DOCK2: variants seen among roughly 807,000 people sequenced by gnomAD.
DOCK2 encodes the protein dedicator of cytokinesis protein 2.
Under a neutral mutation model 248.9 loss-of-function variants are expected in DOCK2, and 87 were observed. The observed-to-expected ratio is 0.35, with a 90% confidence interval of 0.29 to 0.42. The LOEUF (loss-of-function observed/expected upper bound fraction) is 0.42. DOCK2 is among the 10% of genes least tolerant of loss of function. The probability of loss-of-function intolerance (pLI) is 1.00; values close to 1 mark genes in which losing one functional copy is unlikely to be tolerated. For synonymous variants in DOCK2, 805 were observed against 821.6 expected (o/e 0.98, Z 0.35); for missense variants, 1,747 against 2,300.2 (o/e 0.76, Z 4.92).
intron 32 of DOCK2, among the ~76,000 whole-genome samples, chr5:170,017,105 G>A (rs1322227496): frequency 6.6e-6 from 1 of 151,912 alleles, no homozygotes; most frequent in Non-Finnish European, 1.5e-5. Context: ...TCTGAATCCT[G>A]GGCAACTACT....
intron 1 of DOCK2, among the ~76,000 whole-genome samples, chr5:169,643,938 G>T (rs1056544550): frequency 2.6e-5 from 4 of 152,224 alleles, no homozygotes; most frequent in Admixed American, 6.5e-5. Flanking sequence ...AACCTTGAGG[G>T]TTTGCCTGGA....
intron 30 of DOCK2, among the ~76,000 whole-genome samples, chr5:170,001,218 G>C (rs1420299277): frequency 1.3e-5 from 2 of 152,174 alleles, no homozygotes; most frequent in African/African-American, 4.8e-5. Context: ...AGGAGGGCAG[G>C]CTGACTGCAT....
chr5:169,981,709 C>T (rs1266436176), intron 27 of DOCK2, among the ~76,000 whole-genome samples: 1 of 152,194 alleles, frequency 6.6e-6, no homozygotes, highest in African/African-American at 2.4e-5. Flanking sequence ...GCATCAAGCC[C>T]AGACCCTCCC....
At chr5:170,005,531 C>T (rs952435950) in intron 30 of DOCK2, among the ~76,000 whole-genome samples, 2 of 152,182 alleles carry the variant, frequency 1.3e-5, no homozygotes, top group East Asian at 1.9e-4. Flanking sequence ...TGGTGGATGC[C>T]TCATGCTTGT....
At chr5:169,766,223 A>G (rs1764782320) in intron 25 of DOCK2, among the ~76,000 whole-genome samples, 1 of 151,482 alleles carries the variant, frequency 6.6e-6, no homozygotes, top group Non-Finnish European at 1.5e-5. Context: ...CCCTCCTCCC[A>G]CCCTCTACCC....
chr5:169,678,251 T>C (rs966392800), intron 6 of DOCK2, among the ~76,000 whole-genome samples: 1 of 151,962 alleles, frequency 6.6e-6, no homozygotes, highest in Admixed American at 6.6e-5. Context: ...CAAGGTTACA[T>C]CTTCAGTCTT....
chr5:170,044,362 G>A (rs1204027800), intron 38 of DOCK2, among the ~76,000 whole-genome samples: 1 of 152,178 alleles, frequency 6.6e-6, no homozygotes, highest in East Asian at 1.9e-4. Context: ...TAATGAATGT[G>A]TAAGACTCAG....
At chr5:169,970,333 G>A (rs1777456025) in intron 27 of DOCK2, among the ~76,000 whole-genome samples, 1 of 152,204 alleles carries the variant, frequency 6.6e-6, no homozygotes. Flanking sequence ...GGTCAGAAAA[G>A]TAAAGAAGAA....
rs60574755 is a variant in DOCK2, at chr5:169,801,146, G to GTT, written c.2555-1878_2555-1877dup. ...TGCCACCATGCCCAGATAGTTTTGG[G>GTT]TTTTTTTTTTTTTTTTTTTTTTTTT... On this transcript the variant is annotated intron_variant, in intron 25 of 51. Transcript: ENST00000520908. Among the ~76,000 whole-genome samples, 345 of 76,022 alleles carry GTT rather than the reference G, an allele frequency of 4.5e-3. 26 individuals carry two copies. Among genetic ancestry groups the GTT allele is most frequent in the Non-Finnish European group, 8.1e-3 (291 of 35,892 alleles). The allele number at this position is 76,022 out of a possible 152,430, so 49.9% of individuals were successfully genotyped here.
At chr5:169,788,608 C>T (rs1202160547) in intron 25 of DOCK2, among the ~76,000 whole-genome samples, 3 of 152,224 alleles carry the variant, frequency 2.0e-5, no homozygotes, top group Non-Finnish European at 4.4e-5. Context: ...ACTTGGAGGG[C>T]TGCCCTTATG....
At chr5:169,692,879 C>T (rs943813873) in intron 9 of DOCK2, among the ~76,000 whole-genome samples, 1 of 152,152 alleles carries the variant, frequency 6.6e-6, no homozygotes, top group African/African-American at 2.4e-5. Context: ...CTGATATCTT[C>T]TTATAAGGAC....
chr5:169,945,471 G>A (rs928653410), intron 27 of DOCK2, among the ~76,000 whole-genome samples: 1 of 152,256 alleles, frequency 6.6e-6, no homozygotes, highest in Non-Finnish European at 1.5e-5. Flanking sequence ...GTTACTTCGT[G>A]CCTGGCACAG....
intron 27 of DOCK2, among the ~76,000 whole-genome samples, chr5:169,966,084 G>A (rs539090740): frequency 6.6e-6 from 1 of 152,288 alleles, no homozygotes; most frequent in Non-Finnish European, 1.5e-5. Flanking sequence ...TCTCGAAATG[G>A]CAATGTGCAA....
At chr5:170,036,476 G>C in intron 35 of DOCK2, 39 bp from the exon 36 acceptor site, 1 of 1,602,416 alleles carries the variant, frequency 6.2e-7, no homozygotes, top group Non-Finnish European at 8.5e-7. Context: ...TGATATTGCA[G>C]AGAACAACAC....
At chr5:169,894,485 TTGGC>T (rs1437690222) in intron 27 of DOCK2, among the ~76,000 whole-genome samples, 1 of 152,168 alleles carries the variant, frequency 6.6e-6, no homozygotes, top group Non-Finnish European at 1.5e-5. Context: ...CAGCAAAGCA[TTGGC>T]AGGCAGCTGC....
chr5:170,032,921 T>C (rs941178638), intron 34 of DOCK2, among the ~76,000 whole-genome samples: 1 of 152,052 alleles, frequency 6.6e-6, no homozygotes, highest in African/African-American at 2.4e-5. Flanking sequence ...CTGCATAATG[T>C]CTACTTGAGA....
chr5:170,001,723 T>A (rs1754838968), intron 30 of DOCK2, among the ~76,000 whole-genome samples: 1 of 152,222 alleles, frequency 6.6e-6, no homozygotes. Context: ...TGCGATACTG[T>A]GTGAACAAGA....
chr5:169,992,552 A>G (rs927055091), intron 29 of DOCK2, among the ~76,000 whole-genome samples: 4 of 151,348 alleles, frequency 2.6e-5, no homozygotes, highest in African/African-American at 9.7e-5. Flanking sequence ...GCAACCTCCA[A>G]CTCCCTGGTT....
At chr5:170,065,725 A>G (rs1460849527) in intron 44 of DOCK2, among the ~76,000 whole-genome samples, 1 of 152,148 alleles carries the variant, frequency 6.6e-6, no homozygotes, top group Non-Finnish European at 1.5e-5. Flanking sequence ...CCCATTCACT[A>G]TCACAAGAAC....
Sources: gnomAD v4.1 joint callset for allele counts (sites outside exome capture counted in the v4.1 genomes callset) on GRCh38, gnomAD v4.1.1 for gene constraint, MANE v1.5 for transcripts, NCBI Gene and HGNC (gene_info 2026-07-23, HGNC 2026-07-21) for gene names.